RSU1: variants seen among roughly 807,000 people sequenced by gnomAD.
The protein encoded by RSU1 is Ras suppressor protein 1.
In RSU1, 26 loss-of-function variants were observed where a neutral mutation model predicts 31.1. The ratio of observed to expected loss-of-function variants is 0.84; its 90% CI spans 0.61 to 1.16. The LOEUF is 1.16. Ranked by LOEUF, RSU1 falls within the 50% of genes most tolerant of loss-of-function variation. The probability of loss-of-function intolerance (pLI) is 0.00; values close to 1 mark genes in which losing one functional copy is unlikely to be tolerated. For synonymous variants in RSU1, 164 were observed against 136.3 expected, an observed-to-expected ratio of 1.20 and a Z score of -1.41; for missense variants, 320 against 339.1, an observed-to-expected ratio of 0.94 and a Z score of 0.44.
At chr10:16,738,122 G>T (rs1353830305) in intron 7 of RSU1, among the ~76,000 whole-genome samples, 4 of 152,116 alleles carry the variant, frequency 2.6e-5, no homozygotes, top group African/African-American at 9.7e-5. Context: ...TAAAACAACG[G>T]AGAAAAACTT....
rs1838535520 is a variant in RSU1, at chr10:16,816,519, TAAA to T, written c.109+451_109+453del. Among the ~76,000 whole-genome samples the T allele has an allele frequency of 2.0e-5, 3 of 152,268 alleles. 1 individual carries two copies. In the South Asian group the frequency reaches 6.2e-4, roughly 32 times the overall value. The stretch of plus-strand genomic sequence containing the variant: ...AAAAGCCTGAACCAAGTTCGGAGAA[TAAA>T]TACTCAGAAGAATGTAAAGATTCAA... On this transcript the variant is annotated intron_variant, in intron 2 of 8. Coordinates refer to ENST00000345264, the MANE Select transcript of RSU1 (RefSeq NM_012425.4).
rs564965377 is a variant in RSU1, at chr10:16,592,005, C to T, written c.*1389G>A. ...AGAAGTTTAGACCTTGCTCTGTGGCCTCTCTGATTGAAATGCGAAGTCTGT... is the reference window on the plus strand; with the variant it reads ...AGAAGTTTAGACCTTGCTCTGTGGCTTCTCTGATTGAAATGCGAAGTCTGT... On this transcript the variant is annotated 3_prime_UTR_variant, in exon 9 of 9. Transcript: ENST00000345264. The T allele has an allele frequency of 6.6e-5, 10 of 152,332 alleles. No individual in the cohort carries two copies. In the East Asian group the frequency reaches 1.9e-3, roughly 29 times the overall value. The allele number at this position is 152,332 out of a possible 1,614,324, so 9.4% of individuals were successfully genotyped here.
intron 7 of RSU1, among the ~76,000 whole-genome samples, chr10:16,714,165 T>G (rs1340325320): frequency 6.6e-6 from 1 of 152,090 alleles, no homozygotes; most frequent in Non-Finnish European, 1.5e-5. Flanking sequence ...TGCATATGGG[T>G]GTGGCTAGCT....
intron 7 of RSU1, chr10:16,722,995 T>C (rs1322692667): frequency 6.6e-6 from 1 of 150,692 alleles, no homozygotes; most frequent in Non-Finnish European, 1.5e-5. Flanking sequence ...CATATACATA[T>C]ATGCATATAG....
chr10:16,811,793 T>A (rs1363548348), intron 2 of RSU1, among the ~76,000 whole-genome samples: 1 of 152,220 alleles, frequency 6.6e-6, no homozygotes, highest in African/African-American at 2.4e-5. Context: ...ACATGCTCCT[T>A]CTCCAGAGCT....
At chr10:16,753,083 T>G in intron 5 of RSU1, 83 bp from the exon 6 acceptor site, 1 of 1,035,462 alleles carries the variant, frequency 9.7e-7, no homozygotes, top group Non-Finnish European at 1.5e-6. Flanking sequence ...GAGTCAGCTT[T>G]GATTAATAAC....
At chr10:16,780,398 T>C (rs1409947015) in intron 3 of RSU1, among the ~76,000 whole-genome samples, 2 of 152,104 alleles carry the variant, frequency 1.3e-5, no homozygotes, top group East Asian at 1.9e-4. Flanking sequence ...GGACCCACTA[T>C]GTCCGGTTAA....
At chr10:16,611,210 T>C (rs1833886385) in intron 8 of RSU1, among the ~76,000 whole-genome samples, 1 of 152,196 alleles carries the variant, frequency 6.6e-6, no homozygotes, top group African/African-American at 2.4e-5. Context: ...CACTCAGCTG[T>C]GATCCTTCTC....
chr10:16,732,161 A>G (rs1836526117), intron 7 of RSU1, among the ~76,000 whole-genome samples: 1 of 152,222 alleles, frequency 6.6e-6, no homozygotes, highest in South Asian at 2.1e-4. Flanking sequence ...ACAAAGGGAC[A>G]GAGACCATAG....
chr10:16,789,495 A>G (rs7908112), intron 2 of RSU1, among the ~76,000 whole-genome samples: 66,295 of 152,148 alleles, frequency 0.44, 17,729 homozygotes, highest in African/African-American at 0.77. Flanking sequence ...GGAGACAGAC[A>G]TATTTATACA....
chr10:16,727,916 C>T (rs548122639), intron 7 of RSU1, among the ~76,000 whole-genome samples: 6 of 151,996 alleles, frequency 3.9e-5, no homozygotes, highest in South Asian at 2.1e-4. Context: ...GATGAAGATC[C>T]GAAACACCAC....
At chr10:16,739,130 G>C (rs1271599558) in intron 7 of RSU1, among the ~76,000 whole-genome samples, 2 of 152,022 alleles carry the variant, frequency 1.3e-5, no homozygotes, top group Non-Finnish European at 2.9e-5. Flanking sequence ...ATTTGGGTTG[G>C]TTCTAAGTCT....
intron 8 of RSU1, among the ~76,000 whole-genome samples, chr10:16,673,558 G>A (rs947033823): frequency 6.6e-6 from 1 of 152,154 alleles, no homozygotes; most frequent in Admixed American, 6.5e-5. Flanking sequence ...TGTCTTGACA[G>A]GATTCTTCTG....
At chr10:16,732,747 T>G (rs2131601947) in intron 7 of RSU1, among the ~76,000 whole-genome samples, 1 of 152,362 alleles carries the variant, frequency 6.6e-6, no homozygotes, top group Non-Finnish European at 1.5e-5. Context: ...ACAGGTTAAC[T>G]ATTCTTCAAG....
rs1391172062 is a variant in RSU1, at chr10:16,766,526, C to A, written c.161-2016G>T. On this transcript the variant is annotated intron_variant, in intron 3 of 8. Transcript: ENST00000345264. ...GGTCAGGAGTTCAAGACTAGCCTGA[C>A]CAACACGGTGCAACTCTGACTCTAC... Among the ~76,000 whole-genome samples, 5 of 152,162 alleles carry A rather than the reference C, an allele frequency of 3.3e-5. No homozygotes were observed. The East Asian group carries it at 9.6e-4, about 29-fold the overall frequency.
intron 8 of RSU1, among the ~76,000 whole-genome samples, chr10:16,692,940 T>C (rs889076196): frequency 6.6e-6 from 1 of 152,122 alleles, no homozygotes; most frequent in Non-Finnish European, 1.5e-5. Context: ...GCAATTTTAG[T>C]GTATTTCATT....
chr10:16,598,336 C>A (rs1833656191), intron 8 of RSU1, among the ~76,000 whole-genome samples: 2 of 151,874 alleles, frequency 1.3e-5, no homozygotes, highest in Non-Finnish European at 2.9e-5. Flanking sequence ...GCCAGGCGTT[C>A]ACGACCAGCC....
chr10:16,773,061 A>G (rs1014759441), intron 3 of RSU1, among the ~76,000 whole-genome samples: 2 of 152,006 alleles, frequency 1.3e-5, no homozygotes, highest in African/African-American at 2.4e-5. Context: ...TTAGCTTTGC[A>G]TGGTGGTGCA....
At chr10:16,628,540 A>G (rs1834196232) in intron 8 of RSU1, among the ~76,000 whole-genome samples, 1 of 152,256 alleles carries the variant, frequency 6.6e-6, no homozygotes, top group African/African-American at 2.4e-5. Context: ...AACAAACTGC[A>G]AGAAATTTTA....
Sources: allele counts gnomAD v4.1 joint callset (sites outside exome capture counted in the v4.1 genomes callset), GRCh38; gene constraint gnomAD v4.1.1; transcripts MANE v1.5; gene names NCBI Gene and HGNC (gene_info 2026-07-23, HGNC 2026-07-21).